The following MAPK14 variants were observed in gnomAD, a reference collection of about 807,000 sequenced individuals.
The protein encoded by MAPK14 is CSAID-binding protein.
Under a neutral mutation model 49.6 loss-of-function variants are expected in MAPK14, and 16 were observed. That is an observed-to-expected ratio of 0.32 (90% confidence interval 0.22 to 0.49). The LOEUF (loss-of-function observed/expected upper bound fraction) is 0.49. Among genes scored for constraint, MAPK14 ranks in the 20% least tolerant of loss-of-function variants. The probability of loss-of-function intolerance (pLI) is 0.99; values close to 1 mark genes in which losing one functional copy is unlikely to be tolerated. For synonymous variants in MAPK14, 142 were observed against 158.0 expected, an observed-to-expected ratio of 0.90 and a Z score of 0.76; for missense variants, 200 against 441.2, an observed-to-expected ratio of 0.45 and a Z score of 4.90.
intron 8 of MAPK14, among the ~76,000 whole-genome samples, chr6:36,081,757 G>T (rs976022026): frequency 6.6e-6 from 1 of 151,888 alleles, no homozygotes; most frequent in South Asian, 2.1e-4. Flanking sequence ...TTAACAATTG[G>T]CATTTCTATT....
At chr6:36,074,577 A>G (rs935099251) in intron 6 of MAPK14, among the ~76,000 whole-genome samples, 6 of 152,104 alleles carry the variant, frequency 3.9e-5, no homozygotes, top group African/African-American at 1.4e-4. Flanking sequence ...GCAAAATTAT[A>G]TATCCACTTA....
chr6:36,041,220 C>CTT (rs75773187), intron 1 of MAPK14, among the ~76,000 whole-genome samples: 17 of 140,780 alleles, frequency 1.2e-4, no homozygotes, highest in African/African-American at 4.2e-4. Flanking sequence ...TTATTGTGCT[C>CTT]TTTTTTTTTT....
chr6:36,065,679 G>A (rs79945393), intron 3 of MAPK14, among the ~76,000 whole-genome samples: 1 of 152,040 alleles, frequency 6.6e-6, no homozygotes, highest in Non-Finnish European at 1.5e-5. Context: ...ACTGGGAACT[G>A]GAAATGGGAT....
chr6:36,029,483 G>T (rs991796989), intron 1 of MAPK14, among the ~76,000 whole-genome samples: 3 of 152,092 alleles, frequency 2.0e-5, no homozygotes, highest in African/African-American at 7.2e-5. Context: ...CTTAAACTAA[G>T]TATCAGATTT....
At chr6:36,068,727 G>T (rs996378464) in intron 3 of MAPK14, among the ~76,000 whole-genome samples, 21 of 152,084 alleles carry the variant, frequency 1.4e-4, no homozygotes, top group African/African-American at 5.1e-4. Flanking sequence ...AGGTGGGGAG[G>T]AAGAGGGCGG....
In MAPK14 at chr6:36,052,659, A is replaced by G. The variant is rs199547877; in HGVS notation, c.117-40A>G. On this transcript the variant is annotated intron_variant, in intron 1 of 11. Coordinates refer to ENST00000229794, the MANE Select transcript of MAPK14 (RefSeq NM_139012.3). ...AATACCCCAAAATAATATTTAGAACAGCTTTTTAATGGTGGGTTTTTTCCC... is the reference window on the plus strand; with the variant it reads ...AATACCCCAAAATAATATTTAGAACGGCTTTTTAATGGTGGGTTTTTTCCC... 1.6e-4 allele frequency: 257 copies of G among 1,566,172 alleles called. No individual in the cohort carries two copies. The African/African-American group carries it at 3.1e-3, about 19-fold the overall frequency.
At chr6:36,054,106 A>G (rs751249768) in intron 2 of MAPK14, among the ~76,000 whole-genome samples, 64 of 152,152 alleles carry the variant, frequency 4.2e-4, no homozygotes, top group Non-Finnish European at 7.8e-4. Context: ...CTTTATTCCT[A>G]GGTCTGCATA....
chr6:36,065,507 GGTGTGTGTGTGTGTGTGTGTGT>G (rs386358922), intron 3 of MAPK14, among the ~76,000 whole-genome samples: 1 of 122,454 alleles, frequency 8.2e-6, no homozygotes, highest in Non-Finnish European at 1.7e-5. Flanking sequence ...GGGCAGAAAA[GGTGTGTGTGTGTGTGTGTGTGT>G]GTGTGTGTGT....
intron 9 of MAPK14, among the ~76,000 whole-genome samples, chr6:36,098,370 C>G (rs903731755): frequency 2.6e-5 from 4 of 152,026 alleles, no homozygotes; most frequent in Non-Finnish European, 5.9e-5. Flanking sequence ...ACAAGAAAAT[C>G]ATATTAAGAA....
rs9470219 is a variant in MAPK14, at chr6:36,107,442, A to G, written c.842-13A>G. The G allele has an allele frequency of 3.0e-5, 45 of 1,504,954 alleles. No homozygotes were observed. In the Admixed American group the frequency reaches 3.4e-4, roughly 11 times the overall value. 93.2% of individuals were successfully genotyped at this position (1,504,954 alleles called of 1,614,324 possible). A position where few individuals can be genotyped will look rare whatever the true frequency, so the allele number is the denominator to read the frequency against. On this transcript the variant is annotated splice_polypyrimidine_tract_variant and intron_variant, in intron 10 of 11. Coordinates refer to ENST00000229794, the MANE Select transcript of MAPK14 (RefSeq NM_139012.3). This position sits in a 1 kb window ranked among gnomAD's most constrained non-coding sequence, Gnocchi z 4.3. ...TTAAAAACTCTTTTCCTTCCTGTCT[A>G]TGGTACTGATAGCTGTCGACTTGCT...
the MAPK14 span, among the ~76,000 whole-genome samples, chr6:36,121,557 G>C: frequency 6.6e-6 from 1 of 152,278 alleles, no homozygotes; most frequent in Admixed American, 6.5e-5. Context: ...GGGAAGTGTA[G>C]TCACCAGGAT....
At chr6:36,091,600 T>C (rs1441013839) in intron 8 of MAPK14, among the ~76,000 whole-genome samples, 1 of 152,252 alleles carries the variant, frequency 6.6e-6, no homozygotes, top group Non-Finnish European at 1.5e-5. Flanking sequence ...AGTGGCCTTA[T>C]AGTAGCTGGT....
At chr6:36,033,464 G>A (rs1385782952) in intron 1 of MAPK14, among the ~76,000 whole-genome samples, 1 of 152,058 alleles carries the variant, frequency 6.6e-6, no homozygotes, top group Non-Finnish European at 1.5e-5. Flanking sequence ...TTACAAGTGC[G>A]TGCCACCATG....
chr6:36,076,390 T>C, intron 7 of MAPK14, 147 bp from the exon 8 acceptor site: 1 of 663,310 alleles, frequency 1.5e-6, no homozygotes, highest in Non-Finnish European at 2.6e-6. Flanking sequence ...GTAAGCTATT[T>C]ATTTCTGTAA....
At chr6:36,060,750 T>C (rs1330687341) in intron 3 of MAPK14, among the ~76,000 whole-genome samples, 1 of 152,082 alleles carries the variant, frequency 6.6e-6, no homozygotes. Context: ...GAAGATGAAA[T>C]GGAAAGGGAA....
chr6:36,076,665 G>GC, intron 8 of MAPK14, 57 bp downstream of exon 8: 1 of 1,305,390 alleles, frequency 7.7e-7, no homozygotes, highest in East Asian at 2.3e-5. Context: ...GTGTCCATGG[G>GC]TGTATACTCC....
At chr6:36,079,779 G>A (rs1764675639) in intron 8 of MAPK14, among the ~76,000 whole-genome samples, 2 of 152,144 alleles carry the variant, frequency 1.3e-5, no homozygotes, top group South Asian at 2.1e-4. Flanking sequence ...CCAATGTGGT[G>A]GTTATAGGCA....
At chr6:36,045,855 T>C (rs965960325) in intron 1 of MAPK14, among the ~76,000 whole-genome samples, 1 of 148,452 alleles carries the variant, frequency 6.7e-6, no homozygotes, top group Non-Finnish European at 1.5e-5. Context: ...CCTCATGATA[T>C]ATGCTAACCT....
At chr6:36,089,471 CA>C (rs1471542874) in intron 8 of MAPK14, among the ~76,000 whole-genome samples, 1 of 152,158 alleles carries the variant, frequency 6.6e-6, no homozygotes, top group Non-Finnish European at 1.5e-5. Flanking sequence ...ATAGGTGGAG[CA>C]AACCACGATG....
Sources: allele counts gnomAD v4.1 joint callset (sites outside exome capture counted in the v4.1 genomes callset), GRCh38; gene constraint gnomAD v4.1.1; non-coding constraint Gnocchi (gnomAD v3.1); transcripts MANE v1.5; gene names NCBI Gene and HGNC (gene_info 2026-07-23, HGNC 2026-07-21).